PCDHGC5: variants seen among roughly 807,000 people sequenced by gnomAD.
The protein encoded by PCDHGC5 is protocadherin gamma subfamily C, 5.
PCDHGC5 carries 25 observed loss-of-function variants against 59.0 expected under a neutral mutation model. The ratio of observed to expected loss-of-function variants is 0.42; its 90% CI spans 0.31 to 0.59. The LOEUF is 0.59. Among genes scored for constraint, PCDHGC5 ranks in the 20% least tolerant of loss-of-function variants. PCDHGC5 has a pLI of 0.13. For synonymous variants in PCDHGC5, 434 were observed against 505.5 expected, an observed-to-expected ratio of 0.86 and a Z score of 1.90; for missense variants, 1,067 against 1,206.4, an observed-to-expected ratio of 0.88 and a Z score of 1.71.
In PCDHGC5 at chr5:141,494,676, C is replaced by T. The variant is rs2099755997; in HGVS notation, c.2461-131C>T. On this transcript the variant is annotated intron_variant, in intron 1 of 3. Transcript: ENST00000252087. ...TTTGTCTTTGGAGATGAGTCCACCCCTGCCCCCTCTTAGTCCGTTTTCTTC... is the reference window on the plus strand; with the variant it reads ...TTTGTCTTTGGAGATGAGTCCACCCTTGCCCCCTCTTAGTCCGTTTTCTTC... 1.7e-5 allele frequency: 26 copies of T among 1,550,800 alleles called. No individual in the cohort carries two copies. In the South Asian group the frequency reaches 3.0e-4, roughly 18 times the overall value.
At chr5:141,498,012 A>T (rs184213306) in intron 2 of PCDHGC5, among the ~76,000 whole-genome samples, 6 of 152,348 alleles carry the variant, frequency 3.9e-5, no homozygotes, top group Non-Finnish European at 8.8e-5. Context: ...CAGTGCACTG[A>T]AGGAGACAAA....
At position 141,498,660 on chromosome 5, in the gene PCDHGC5, G is replaced by A. The variant is rs969314533; in HGVS notation, c.2519+3795G>A. Among the ~76,000 whole-genome samples, 11 of 152,192 alleles carry A rather than the reference G, an allele frequency of 7.2e-5. No homozygotes were observed. In the East Asian group the frequency reaches 9.6e-4, roughly 13 times the overall value. ...GAAGGAAGAAGACCTGGCCAGGTGT[G>A]GTGGCTCACGCCTGTAATCCCAGCA... is the stretch of plus-strand genomic sequence containing the variant. On this transcript the variant is annotated intron_variant, in intron 2 of 3. Coordinates refer to ENST00000252087, the MANE Select transcript of PCDHGC5 (RefSeq NM_018929.3).
chr5:141,503,418 A>G (rs1037754214), intron 2 of PCDHGC5, among the ~76,000 whole-genome samples: 1 of 151,528 alleles, frequency 6.6e-6, no homozygotes, highest in Admixed American at 6.6e-5. Context: ...AATATGGTGA[A>G]ACCCCATCTC....
In PCDHGC5 at chr5:141,491,463, C is replaced by CT. The variant is rs765984397; in HGVS notation, c.2224dup (p.Tyr742LeufsTer2). The CT allele has an allele frequency of 6.2e-7, 1 of 1,614,112 alleles. No homozygotes were observed. Among genetic ancestry groups the CT allele is most frequent in the Non-Finnish European group, 8.5e-7 (1 of 1,180,010 alleles). ...GCCAGGACTCACCCTCCCCGGACTT[C>CT]TATAAGCAGTCCAGCCCCAACCTGC... On this transcript the variant is annotated frameshift_variant, in exon 1 of 4. Coordinates refer to ENST00000252087, the MANE Select transcript of PCDHGC5 (RefSeq NM_018929.3). LOFTEE classifies it high-confidence loss of function. This position sits in a 1 kb window ranked among gnomAD's most constrained non-coding sequence, Gnocchi z 6.9.
At chr5:141,510,378 C>T (rs919650449) in intron 3 of PCDHGC5, among the ~76,000 whole-genome samples, 1 of 151,688 alleles carries the variant, frequency 6.6e-6, no homozygotes, top group African/African-American at 2.4e-5. Flanking sequence ...TCTACTCGTG[C>T]CAGGCCTTGC....
chr5:141,505,486 G>A lies in PCDHGC5; in HGVS notation c.2608+5G>A, dbSNP rs1291166546. The A allele has an allele frequency of 1.8e-5, 29 of 1,614,088 alleles. No homozygotes were observed. The highest frequency in any genetic ancestry group is 2.1e-5 in the Non-Finnish European group (25 of 1,180,018). On this transcript the variant is annotated splice_donor_5th_base_variant and intron_variant, in intron 3 of 3. Transcript: ENST00000252087. ...TGATCTTGGCGTCCGCCAGTGGTAA[G>A]TGGTGTCAGTGTGTGTATGGAAGAG...
chr5:141,507,504 C>T (rs1443873775), intron 3 of PCDHGC5, among the ~76,000 whole-genome samples: 1 of 152,138 alleles, frequency 6.6e-6, no homozygotes, highest in Admixed American at 6.5e-5. Flanking sequence ...TGTCCCAGGT[C>T]TGGTGGGGCT....
chr5:141,494,782 C>T, intron 1 of PCDHGC5, 25 bp from the exon 2 acceptor site: 1 of 1,614,110 alleles, frequency 6.2e-7, no homozygotes. Context: ...GGTACTCAGC[C>T]CCTTTCCCTC....
intron 1 of PCDHGC5, among the ~76,000 whole-genome samples, chr5:141,492,409 C>T (rs1367119266): frequency 6.6e-6 from 1 of 152,230 alleles, no homozygotes. Context: ...TCCCCTCTGC[C>T]GCTCCCTCCG....
Position 141,489,111 on chromosome 5 carries a change from C to T in PCDHGC5, c.-130C>T. The T allele has an allele frequency of 1.9e-6, 1 of 518,040 alleles. No individual in the cohort carries two copies. Among genetic ancestry groups the T allele is most frequent in the African/African-American group, 1.9e-5 (1 of 51,336 alleles). The allele number at this position is 518,040 out of a possible 1,614,324, so 32.1% of individuals were successfully genotyped here. ...GTGACTAAGAACTGCTGCAAGCAGG[C>T]AAACCTCCGAGCAGTTTTTAAGAGG... On this transcript the variant is annotated 5_prime_UTR_variant, in exon 1 of 4. Transcript: ENST00000252087. This position sits in a 1 kb window ranked among gnomAD's most constrained non-coding sequence, Gnocchi z 4.5.
chr5:141,495,000 G>A lies in PCDHGC5; in HGVS notation c.2519+135G>A, dbSNP rs191756104. ...AGTTTGAGATCCCAGGGAGGTCTTG[G>A]TGTGCGGGGGGCTGGCACACAGACC... On this transcript the variant is annotated intron_variant, in intron 2 of 3. Transcript: ENST00000252087. 1.3e-4 allele frequency: 202 copies of A among 1,531,656 alleles called. 2 individuals carry two copies. The African/African-American group carries it at 2.4e-3, about 19-fold the overall frequency. The allele number at this position is 1,531,656 out of a possible 1,614,324, so 94.9% of individuals were successfully genotyped here. A position where few individuals can be genotyped will look rare whatever the true frequency, so the allele number is the denominator to read the frequency against.
At position 141,490,545 on chromosome 5, in the gene PCDHGC5, C is replaced by T; in HGVS notation, c.1305C>T (p.His435=). 3 of 1,614,164 alleles carry T rather than the reference C, an allele frequency of 1.9e-6. No homozygotes were observed. The highest frequency in any genetic ancestry group is 2.5e-6 in the Non-Finnish European group (3 of 1,180,018). ...GCGATGCTGGTTCACCTTCCCTACA[C>T]AAACATCTCACCATCAGGCTCAACA... ...LASDAGSPSL[H]KHLTIRLNIS... is the part of the protein sequence containing the mutation. The change falls in exon 1 of 4, where the codon CAC becomes CAT. Residue 435 remains histidine (H), a synonymous_variant. Coordinates refer to ENST00000252087, the MANE Select transcript of PCDHGC5 (RefSeq NM_018929.3). The surrounding 1 kb of genome is among the most constrained non-coding windows in gnomAD (Gnocchi z 5.4).
Position 141,491,004 on chromosome 5 carries a change from G to T in PCDHGC5, c.1764G>T (p.Leu588Phe). ...RLPRSAPPGSLVTKVTAVDAD... is the reference protein window; with the variant it reads ...RLPRSAPPGSFVTKVTAVDAD... ...CTCGCTCTGCTCCTCCTGGCTCCTT[G>T]GTCACCAAGGTGACAGCCGTGGATG... The change falls in exon 1 of 4, where the codon TTG becomes TTT. Residue 588 changes from leucine (L) to phenylalanine (F), a missense_variant. Physicochemically the swap from Leu to Phe is conservative, Grantham distance 22 (BLOSUM62 0). Transcript: ENST00000252087. The surrounding 1 kb of genome is among the most constrained non-coding windows in gnomAD (Gnocchi z 6.9). The T allele has an allele frequency of 6.2e-7, 1 of 1,614,024 alleles. No individual in the cohort carries two copies. Among genetic ancestry groups the T allele is most frequent in the Non-Finnish European group, 8.5e-7 (1 of 1,180,026 alleles).
intron 2 of PCDHGC5, among the ~76,000 whole-genome samples, chr5:141,495,968 CTGTTACTCTTTCTT>C (rs1033811907): frequency 6.6e-6 from 1 of 152,126 alleles, no homozygotes; most frequent in African/African-American, 2.4e-5. Context: ...GCCTCTTTCT[CTGTTACTCTTTCTT>C]TATCTCTCTT....
chr5:141,499,275 C>T (rs1259707742), intron 2 of PCDHGC5, among the ~76,000 whole-genome samples: 1 of 152,178 alleles, frequency 6.6e-6, no homozygotes, highest in African/African-American at 2.4e-5. Flanking sequence ...CTAGACTGTT[C>T]TCTGATGGCT....
At chr5:141,505,913 T>C (rs1457583355) in intron 3 of PCDHGC5, among the ~76,000 whole-genome samples, 1 of 152,098 alleles carries the variant, frequency 6.6e-6, no homozygotes, top group African/African-American at 2.4e-5. Context: ...AAGCATAGAG[T>C]TCTGGGCCTG....
Position 141,491,706 on chromosome 5 carries a change from G to T in PCDHGC5, c.2460+6G>T. 6.2e-7 allele frequency: 1 copy of T among 1,611,088 alleles called. No individual in the cohort carries two copies. Among genetic ancestry groups the T allele is most frequent in the Non-Finnish European group, 8.5e-7 (1 of 1,178,772 alleles). On this transcript the variant is annotated splice_donor_region_variant and intron_variant, in intron 1 of 3. Coordinates refer to ENST00000252087, the MANE Select transcript of PCDHGC5 (RefSeq NM_018929.3). The surrounding 1 kb of genome is among the most constrained non-coding windows in gnomAD (Gnocchi z 6.9). Reference sequence around the variant, plus strand: ...CGCTGCGGGAGCGGAGCCAGGTGAGGGGCTCGGCGCCGCCCCGGGCGACCC... The same window carrying T: ...CGCTGCGGGAGCGGAGCCAGGTGAGTGGCTCGGCGCCGCCCCGGGCGACCC...
chr5:141,492,619 G>A lies in PCDHGC5; in HGVS notation c.2460+919G>A, dbSNP rs778698501. ...GCGACTGCCGCTCTAAGTGCCGGGC[G>A]GGCAGGACTCTACGATCCTTGGGCC... On this transcript the variant is annotated intron_variant, in intron 1 of 3. Coordinates refer to ENST00000252087, the MANE Select transcript of PCDHGC5 (RefSeq NM_018929.3). 7.8e-4 allele frequency among the ~76,000 whole-genome samples: 118 copies of A among 152,234 alleles called. 1 individual carries two copies. The highest frequency in any genetic ancestry group is 3.3e-3 in the Admixed American group (51 of 15,282).
intron 2 of PCDHGC5, among the ~76,000 whole-genome samples, chr5:141,500,705 T>A (rs1169100560): frequency 6.6e-6 from 1 of 152,220 alleles, no homozygotes; most frequent in Non-Finnish European, 1.5e-5. Context: ...TTGCAGTGTA[T>A]CATGAGAATT....
Sources: gnomAD v4.1 joint callset for allele counts (sites outside exome capture counted in the v4.1 genomes callset) on GRCh38, gnomAD v4.1.1 for gene constraint, Gnocchi (gnomAD v3.1) non-coding constraint, MANE v1.5 for transcripts, NCBI Gene and HGNC (gene_info 2026-07-23, HGNC 2026-07-21) for gene names.